ATP11C: variants seen among roughly 807,000 people sequenced by gnomAD.
The protein encoded by ATP11C is phospholipid-transporting ATPase IG.
ATP11C carries 36 observed loss-of-function variants against 97.4 expected under a neutral mutation model. The ratio of observed to expected loss-of-function variants is 0.37; its 90% confidence interval spans 0.28 to 0.49. The LOEUF (loss-of-function observed/expected upper bound fraction) is 0.49. ATP11C is among the 20% of genes least tolerant of loss of function. The pLI is 0.98. For synonymous variants in ATP11C, 275 were observed against 290.9 expected (o/e 0.95, Z 0.56); for missense variants, 730 against 824.6 (o/e 0.89, Z 1.40).
rs1287041172 is a variant in ATP11C at position 139,796,315 on chromosome X, T to C, written c.1164A>G (p.Gly388=). The change falls in exon 12 of 30, where the codon GGA becomes GGG. Residue 388 remains glycine, a synonymous_variant. Transcript: ENST00000682941. ...TAAGGTCTGATGTGTTAACCAGGGC[T>C]CCTTCATTAATTTCTTCATCATAAA... ...KDFYDEEINE[G]ALVNTSDLNE... 1.7e-6 allele frequency: 2 copies of C among 1,206,300 alleles called. No homozygotes were observed. The highest frequency in any genetic ancestry group is 2.2e-6 in the Non-Finnish European group (2 of 893,220).
Position 139,859,840 on chromosome X carries a change from G to A in ATP11C, c.28-33017C>T, listed in dbSNP as rs1281978032. ...TGCTTGGCTGGGCGCGGTGGCTCACGCCTGTAATCCCAGCACTTTGGGAGG... is the reference window on the plus strand; with the variant it reads ...TGCTTGGCTGGGCGCGGTGGCTCACACCTGTAATCCCAGCACTTTGGGAGG... On this transcript the variant is annotated intron_variant, in intron 1 of 29. Transcript: ENST00000682941. 6.1e-5 allele frequency among the ~76,000 whole-genome samples: 6 copies of A among 98,818 alleles called. No homozygotes were observed. In the East Asian group the frequency reaches 2.0e-3, roughly 33 times the overall value. The allele number at this position is 98,818 out of a possible 115,157, so 85.8% of individuals were successfully genotyped here.
chrX:139,870,999 T>A (rs1412150034), intron 1 of ATP11C, among the ~76,000 whole-genome samples: 4 of 91,349 alleles, frequency 4.4e-5, no homozygotes, highest in Admixed American at 1.4e-4. Flanking sequence ...GAGCTTGCAG[T>A]GAGCCGAGAT....
At chrX:139,790,280 A>G (rs1041371943) in intron 12 of ATP11C, among the ~76,000 whole-genome samples, 2 of 111,169 alleles carry the variant, frequency 1.8e-5, no homozygotes, top group Non-Finnish European at 3.8e-5. Context: ...GCATCTCACT[A>G]TGTTGCCCAG....
chrX:139,740,101 T>C (rs2081525422), intron 27 of ATP11C, among the ~76,000 whole-genome samples: 1 of 111,844 alleles, frequency 8.9e-6, no homozygotes, highest in Admixed American at 9.5e-5. Context: ...TCATTTTGTA[T>C]GTAAGATTTT....
intron 1 of ATP11C, among the ~76,000 whole-genome samples, chrX:139,918,429 T>C (rs2085191251): frequency 9.1e-6 from 1 of 110,357 alleles, no homozygotes. Context: ...CTGGCCAACA[T>C]GGCGAAACCC....
At chrX:139,745,962 G>A (rs1238404381) in intron 24 of ATP11C, 105 bp from the exon 25 acceptor site, 9 of 904,078 alleles carry the variant, frequency 1.0e-5, no homozygotes, top group Non-Finnish European at 1.1e-5. Context: ...TAATGAAGGG[G>A]GCTACCCTTA....
chrX:139,786,637 T>C (rs1368735856), intron 15 of ATP11C, among the ~76,000 whole-genome samples: 2 of 112,521 alleles, frequency 1.8e-5, no homozygotes, highest in African/African-American at 6.5e-5. Flanking sequence ...AGAGCCTAAT[T>C]AAAATCCACC....
chrX:139,824,053 G>A (rs942642699), intron 2 of ATP11C, among the ~76,000 whole-genome samples: 1 of 102,464 alleles, frequency 9.8e-6, no homozygotes, highest in Non-Finnish European at 2.0e-5. Flanking sequence ...GAGGCAGGGG[G>A]ATTACTTGAG....
intron 1 of ATP11C, among the ~76,000 whole-genome samples, chrX:139,842,021 G>GTT (rs1178225250): frequency 1.8e-5 from 2 of 111,353 alleles, no homozygotes; most frequent in East Asian, 5.6e-4. Context: ...GCATGAGCAG[G>GTT]TTTTTTTGTT....
At chrX:139,836,213 G>A (rs2083747730) in intron 1 of ATP11C, among the ~76,000 whole-genome samples, 1 of 109,779 alleles carries the variant, frequency 9.1e-6, no homozygotes, top group Admixed American at 9.7e-5. Flanking sequence ...AATATATGTG[G>A]AATAAAAAAT....
chrX:139,741,476 G>C (rs2081554028), intron 26 of ATP11C, among the ~76,000 whole-genome samples: 1 of 111,051 alleles, frequency 9.0e-6, no homozygotes, highest in African/African-American at 3.3e-5. Flanking sequence ...GACCTAGCTG[G>C]TGGGGGCAGA....
At chrX:139,779,794 G>GA (rs1369454254) in intron 18 of ATP11C, among the ~76,000 whole-genome samples, 1 of 111,128 alleles carries the variant, frequency 9.0e-6, no homozygotes, top group African/African-American at 3.3e-5. Flanking sequence ...AAACAAAAAT[G>GA]AAAAACAAAC....
chrX:139,821,966 A>C (rs1309770861), intron 2 of ATP11C, among the ~76,000 whole-genome samples: 1 of 112,349 alleles, frequency 8.9e-6, no homozygotes, highest in Non-Finnish European at 1.9e-5. Context: ...AGTGAAATTG[A>C]GTTACAGCCA....
intron 1 of ATP11C, among the ~76,000 whole-genome samples, 165 bp downstream of exon 1, chrX:139,931,851 C>A (rs2085440621): frequency 9.0e-6 from 1 of 110,965 alleles, no homozygotes; most frequent in African/African-American, 3.3e-5. Context: ...CCTGCCTCCC[C>A]TCCCCGGCCG....
intron 5 of ATP11C, among the ~76,000 whole-genome samples, chrX:139,810,390 G>A (rs763988759): frequency 4.2e-4 from 47 of 111,675 alleles, no homozygotes; most frequent in Non-Finnish European, 7.2e-4. Context: ...GGGAGGTGGA[G>A]GTTGCAGTGA....
intron 1 of ATP11C, among the ~76,000 whole-genome samples, chrX:139,853,931 G>A (rs190177259): frequency 9.5e-6 from 1 of 105,327 alleles, no homozygotes; most frequent in African/African-American, 3.5e-5. Flanking sequence ...TAACATTAAC[G>A]ACGGATAATT....
intron 6 of ATP11C, among the ~76,000 whole-genome samples, 197 bp downstream of exon 6, chrX:139,804,274 G>A (rs1184845650): frequency 9.0e-6 from 1 of 110,796 alleles, no homozygotes; most frequent in Non-Finnish European, 1.9e-5. Context: ...TTTTCCACAC[G>A]TAATTACCAC....
intron 1 of ATP11C, among the ~76,000 whole-genome samples, chrX:139,839,902 T>C (rs1213868997): frequency 9.0e-6 from 1 of 111,075 alleles, no homozygotes; most frequent in East Asian, 2.8e-4. Flanking sequence ...ACCCTTCTTG[T>C]CCCTGAGTAT....
chrX:139,753,205 C>T (rs935134766), intron 23 of ATP11C, among the ~76,000 whole-genome samples: 3 of 111,091 alleles, frequency 2.7e-5, no homozygotes, highest in Non-Finnish European at 3.8e-5. Flanking sequence ...ACTCTAAAAT[C>T]GACCACACAA....
Sources: allele counts gnomAD v4.1 joint callset (sites outside exome capture counted in the v4.1 genomes callset), GRCh38; gene constraint gnomAD v4.1.1; transcripts MANE v1.5; gene names NCBI Gene and HGNC (gene_info 2026-07-23, HGNC 2026-07-21).